Variants in HGSNAT observed in about 807,000 individuals in gnomAD.
HGSNAT encodes heparan-alpha-glucosaminide N-acetyltransferase.
HGSNAT carries 59 observed loss-of-function variants against 85.2 expected under a neutral mutation model. The ratio of observed to expected loss-of-function variants is 0.69; its 90% CI spans 0.56 to 0.86. The LOEUF (loss-of-function observed/expected upper bound fraction) is 0.86. Among genes scored for constraint, HGSNAT ranks in the 40% least tolerant of loss-of-function variants. The probability of loss-of-function intolerance (pLI) is 0.00; values close to 1 mark genes in which losing one functional copy is unlikely to be tolerated. For missense variants in HGSNAT, 756 were observed against 777.1 expected, an observed-to-expected ratio of 0.97 and a Z score of 0.32; for synonymous variants, 321 against 304.5, an observed-to-expected ratio of 1.05 and a Z score of -0.56.
intron 1 of HGSNAT, among the ~76,000 whole-genome samples, chr8:43,143,228 A>T (rs1662067751): frequency 6.6e-6 from 1 of 152,278 alleles, no homozygotes; most frequent in Non-Finnish European, 1.5e-5. Flanking sequence ...TGAAAGTCAC[A>T]TACTGATGGT....
chr8:43,178,192 A>T lies in HGSNAT; in HGVS notation c.970A>T (p.Ile324Leu), dbSNP rs760252599. 1.9e-6 allele frequency: 3 copies of T among 1,580,458 alleles called. No homozygotes were observed. The highest frequency in any genetic ancestry group is 2.6e-6 in the Non-Finnish European group (3 of 1,166,542). Residue 324 changes from isoleucine (I) to leucine (L), a missense_variant, in exon 10 of 18, where the codon ATA becomes TTA. Coordinates refer to ENST00000379644, the MANE Select transcript of HGSNAT (RefSeq NM_152419.3). ...ATGGAGGAGTTTCCTGTTAATCTGC[A>T]TAGGAATTATCATTGTGAATCCCAA... ...IAWRSFLLIC[I>L]GIIIVNPNYC...
At chr8:43,198,359 C>T (rs2130823118) in intron 17 of HGSNAT, among the ~76,000 whole-genome samples, 1 of 140,246 alleles carries the variant, frequency 7.1e-6, no homozygotes, top group South Asian at 2.3e-4. Context: ...GTGATCTCGG[C>T]TCACTGCAAG....
At chr8:43,161,817 T>C (rs903150911) in intron 5 of HGSNAT, among the ~76,000 whole-genome samples, 2 of 152,234 alleles carry the variant, frequency 1.3e-5, no homozygotes, top group African/African-American at 4.8e-5. Context: ...CAGAAGTGGC[T>C]CATGACAATT....
intron 10 of HGSNAT, 119 bp downstream of exon 10, chr8:43,178,353 G>C: frequency 1.4e-6 from 1 of 701,954 alleles, no homozygotes; most frequent in South Asian, 2.8e-5. Flanking sequence ...TAATCATTAG[G>C]AAAGTATATA....
chr8:43,167,062 A>G (rs528254492), intron 5 of HGSNAT, among the ~76,000 whole-genome samples: 3 of 152,356 alleles, frequency 2.0e-5, no homozygotes, highest in African/African-American at 7.2e-5. Flanking sequence ...GAATTGCTGC[A>G]ATCTCATGAC....
chr8:43,169,163 T>C lies in HGSNAT; in HGVS notation c.564-10T>C. On this transcript the variant is annotated splice_polypyrimidine_tract_variant and intron_variant, in intron 5 of 17. Coordinates refer to ENST00000379644, the MANE Select transcript of HGSNAT (RefSeq NM_152419.3). ...AAAATAAATTAATTGAGCCCTTTATTTATTTTCAGTTTGGATGACTTTAAC... is the reference window on the plus strand; with the variant it reads ...AAAATAAATTAATTGAGCCCTTTATCTATTTTCAGTTTGGATGACTTTAAC... 6.6e-7 allele frequency: 1 copy of C among 1,512,630 alleles called. No individual in the cohort carries two copies. The allele number at this position is 1,512,630 out of a possible 1,614,324, so 93.7% of individuals were successfully genotyped here. A position where few individuals can be genotyped will look rare whatever the true frequency, so the allele number is the denominator to read the frequency against.
chr8:43,140,627 C>A lies in HGSNAT; in HGVS notation c.118+13C>A. Reference sequence around the variant, plus strand: ...GCGCCGCCACGAGGTGAGTGCACACCTCCTACCGCCGCCCGGCCGGCTACG... The same window carrying A: ...GCGCCGCCACGAGGTGAGTGCACACATCCTACCGCCGCCCGGCCGGCTACG... On this transcript the variant is annotated intron_variant, in intron 1 of 17. Transcript: ENST00000379644. 8.4e-7 allele frequency: 1 copy of A among 1,189,398 alleles called. No homozygotes were observed. Among genetic ancestry groups the A allele is most frequent in the Non-Finnish European group, 1.1e-6 (1 of 941,002 alleles). The allele number at this position is 1,189,398 out of a possible 1,614,324, so 73.7% of individuals were successfully genotyped here.
In HGSNAT at chr8:43,178,126, C is replaced by A; in HGVS notation, c.904C>A (p.Gln302Lys). ...TTTTCTATCGATGACTTCTATACTG[C>A]AACGGGGGTGTTCAAAATTCAGATT... ...SIFLSMTSIL[Q>K]RGCSKFRLLG... is the part of the protein sequence containing the mutation. The change falls in exon 10 of 18, where the codon CAA becomes AAA. Residue 302 changes from glutamine to lysine, a missense_variant. By Grantham distance (53) the Gln-to-Lys change is moderately conservative (BLOSUM62 1). Transcript: ENST00000379644. 6.2e-7 allele frequency: 1 copy of A among 1,607,750 alleles called. No homozygotes were observed.
intron 11 of HGSNAT, among the ~76,000 whole-genome samples, chr8:43,188,989 C>T (rs1804425566): frequency 1.3e-5 from 2 of 152,190 alleles, no homozygotes; most frequent in African/African-American, 4.8e-5. Flanking sequence ...GATCCTTCCC[C>T]TGGAAGCTTC....
chr8:43,140,675 G>C (rs1016960368), intron 1 of HGSNAT, 61 bp downstream of exon 1: 1 of 850,018 alleles, frequency 1.2e-6, no homozygotes, highest in Non-Finnish European at 1.5e-6. Flanking sequence ...CCTCTCCGCG[G>C]CGCCGCCCCT....
chr8:43,158,000 C>G (rs73631569), intron 2 of HGSNAT, among the ~76,000 whole-genome samples: 2,566 of 152,118 alleles, frequency 0.017, 66 homozygotes, highest in African/African-American at 0.06. Flanking sequence ...TAAATTTATG[C>G]AAGACTTAAT....
chr8:43,188,723 C>T (rs1394399725), intron 11 of HGSNAT, among the ~76,000 whole-genome samples: 10 of 152,318 alleles, frequency 6.6e-5, no homozygotes, highest in South Asian at 2.1e-4. Context: ...GGAGAAGAGG[C>T]GCTCTGATTT....
chr8:43,167,923 C>CT (rs71231896), intron 5 of HGSNAT: 7,660 of 235,712 alleles, frequency 0.032, 6 homozygotes, highest in South Asian at 0.062. Flanking sequence ...TTCTTTCTTT[C>CT]TTTTTTTTTT....
In HGSNAT at chr8:43,140,563, C is replaced by T. The variant is rs1198688385; in HGVS notation, c.67C>T (p.Leu23=). The change falls in exon 1 of 18, where the codon CTG becomes TTG. Residue 23 remains leucine, a synonymous_variant. Coordinates refer to ENST00000379644, the MANE Select transcript of HGSNAT (RefSeq NM_152419.3). ...LAASVLSAAL[L]APGGSSGRDA... ...CGCGTCCGTGCTGAGCGCCGCGCTG[C>T]TGGCCCCCGGCGGCTCTTCGGGGCG... 8.2e-7 allele frequency: 1 copy of T among 1,215,426 alleles called. No individual in the cohort carries two copies. Among genetic ancestry groups the T allele is most frequent in the Non-Finnish European group, 1.0e-6 (1 of 970,956 alleles). 75.3% of individuals were successfully genotyped at this position (1,215,426 alleles called of 1,614,324 possible).
intron 6 of HGSNAT, 32 bp from the exon 7 acceptor site, chr8:43,170,553 G>A (rs377191766): frequency 1.6e-4 from 234 of 1,434,582 alleles, no homozygotes; most frequent in Non-Finnish European, 2.2e-4. Flanking sequence ...TTAGCATTAT[G>A]AGTTGTCATC....
chr8:43,169,087 T>C lies in HGSNAT; in HGVS notation c.564-86T>C, dbSNP rs1803526128. On this transcript the variant is annotated intron_variant, in intron 5 of 17. Coordinates refer to ENST00000379644, the MANE Select transcript of HGSNAT (RefSeq NM_152419.3). The stretch of plus-strand genomic sequence containing the variant: ...TTACTTAGTAATATAGAATATGAGC[T>C]TTAATTTTATTTCCATATAATATCC... The C allele has an allele frequency of 4.4e-6, 3 of 682,850 alleles. No individual in the cohort carries two copies. The Admixed American group carries it at 9.6e-5, about 22-fold the overall frequency. 42.3% of individuals were successfully genotyped at this position (682,850 alleles called of 1,614,324 possible).
intron 14 of HGSNAT, among the ~76,000 whole-genome samples, chr8:43,195,607 A>G (rs1251166721): frequency 4.0e-5 from 4 of 99,308 alleles, no homozygotes; most frequent in African/African-American, 1.1e-4. Context: ...GAAGAAGAGA[A>G]GGAGGGTGTG....
chr8:43,163,251 C>T (rs909542694), intron 5 of HGSNAT, among the ~76,000 whole-genome samples: 2 of 152,098 alleles, frequency 1.3e-5, no homozygotes, highest in African/African-American at 4.8e-5. Flanking sequence ...CACCTTGCCC[C>T]ATGTGGAACT....
chr8:43,156,190 C>G (rs1362959437), intron 2 of HGSNAT, among the ~76,000 whole-genome samples: 1 of 152,198 alleles, frequency 6.6e-6, no homozygotes, highest in Admixed American at 6.5e-5. Context: ...TCTCTTAGAA[C>G]TGGTTTTGCT....
Sources: allele counts gnomAD v4.1 joint callset (sites outside exome capture counted in the v4.1 genomes callset), GRCh38; gene constraint gnomAD v4.1.1; transcripts MANE v1.5; gene names NCBI Gene and HGNC (gene_info 2026-07-23, HGNC 2026-07-21).